The following RTN1 variants were observed in gnomAD, a reference collection of about 807,000 sequenced individuals.
RTN1 encodes the protein reticulon-1.
Under a neutral mutation model 65.5 loss-of-function variants are expected in RTN1, and 25 were observed. The ratio of observed to expected loss-of-function variants is 0.38; its 90% CI spans 0.28 to 0.53. The LOEUF is 0.53. Ranked by LOEUF, RTN1 falls within the 20% of genes least tolerant of loss-of-function variation. The pLI, the probability that RTN1 is intolerant of heterozygous loss-of-function variation, is 0.79. For synonymous variants in RTN1, 471 were observed against 447.6 expected, an observed-to-expected ratio of 1.05 and a Z score of -0.66; for missense variants, 983 against 1,025.4, an observed-to-expected ratio of 0.96 and a Z score of 0.57.
At position 59,846,678 on chromosome 14, in the gene RTN1, ACATTT is replaced by A. The variant is rs1444530156; in HGVS notation, c.241+23707_241+23711del. Reference sequence around the variant, plus strand: ...TGTGTGCTTTTACTCCTTGATGCATACATTTATTTGTAATAAAACAGTGTTTTGAA... The same window carrying A: ...TGTGTGCTTTTACTCCTTGATGCATAATTTGTAATAAAACAGTGTTTTGAA... On this transcript the variant is annotated intron_variant, in intron 1 of 8. Coordinates refer to ENST00000267484, the MANE Select transcript of RTN1 (RefSeq NM_021136.3). This position sits in a 1 kb window ranked among gnomAD's most constrained non-coding sequence, Gnocchi z 4.8. Among the ~76,000 whole-genome samples, 3 of 152,224 alleles carry A rather than the reference ACATTT, an allele frequency of 2.0e-5. No homozygotes were observed. The highest frequency in any genetic ancestry group is 2.9e-5 in the Non-Finnish European group (2 of 68,040).
chr14:59,789,424 C>T (rs1253976116), intron 1 of RTN1, among the ~76,000 whole-genome samples: 1 of 152,074 alleles, frequency 6.6e-6, no homozygotes, highest in African/African-American at 2.4e-5. Context: ...TATCAAGTGC[C>T]TCTTTGGCAT....
intron 1 of RTN1, among the ~76,000 whole-genome samples, chr14:59,869,031 G>T (rs966422847): frequency 6.6e-6 from 1 of 152,026 alleles, no homozygotes; most frequent in Non-Finnish European, 1.5e-5. Context: ...GGCGTTTGGC[G>T]TTGGGGCTTT....
chr14:59,599,102 T>G (rs1881496843), intron 8 of RTN1, among the ~76,000 whole-genome samples: 1 of 152,208 alleles, frequency 6.6e-6, no homozygotes, highest in Admixed American at 6.5e-5. Context: ...TAAAGATGCT[T>G]CAGCACATCA....
rs150666088 is a variant in RTN1, at chr14:59,603,913, G to A, written c.2121C>T (p.Val707=). 2.2e-4 allele frequency: 355 copies of A among 1,611,352 alleles called. 2 individuals are homozygous for A. Among genetic ancestry groups the A allele is most frequent in the Middle Eastern group, 1.3e-3 (8 of 6,044 alleles). ...QDLVDSLKFA[V]LMWLLTYVGA... is the part of the protein sequence containing the mutation. ...CAACGTAGGTCAGGAGCCACATCAGGACTGCAAACTGAAGAACGAAAGCAT... is the reference window on the plus strand; with the variant it reads ...CAACGTAGGTCAGGAGCCACATCAGAACTGCAAACTGAAGAACGAAAGCAT... The change falls in exon 6 of 9, where the codon GTC becomes GTT. Residue 707 remains valine (V), a synonymous_variant. Transcript: ENST00000267484.
chr14:59,610,939 C>A (rs1418512855), intron 3 of RTN1, among the ~76,000 whole-genome samples: 3 of 152,140 alleles, frequency 2.0e-5, no homozygotes, highest in Admixed American at 1.3e-4. Flanking sequence ...ATTGACTGAG[C>A]ACAAGAAGAC....
At chr14:59,630,604 C>T in intron 3 of RTN1, 1 of 1,581,728 alleles carries the variant, frequency 6.3e-7, no homozygotes, top group East Asian at 2.3e-5. Context: ...TCGCAGTGGC[C>T]GCGCGGCTGC....
chr14:59,643,684 A>AGATAT (rs1415387504), intron 3 of RTN1, among the ~76,000 whole-genome samples: 1 of 152,180 alleles, frequency 6.6e-6, no homozygotes, highest in Non-Finnish European at 1.5e-5. Context: ...AACTGAGCAG[A>AGATAT]GATATCAGCA....
At chr14:59,822,598 T>A (rs540370658) in intron 1 of RTN1, among the ~76,000 whole-genome samples, 1 of 152,330 alleles carries the variant, frequency 6.6e-6, no homozygotes, top group African/African-American at 2.4e-5. Flanking sequence ...TCAGGTGTGA[T>A]GTTAGCTTGT....
At chr14:59,608,289 A>G (rs949605389) in intron 3 of RTN1, among the ~76,000 whole-genome samples, 3 of 152,246 alleles carry the variant, frequency 2.0e-5, no homozygotes, top group African/African-American at 7.2e-5. Flanking sequence ...CAAAATTCCC[A>G]TCTCACAACC....
intron 3 of RTN1, among the ~76,000 whole-genome samples, chr14:59,705,602 C>T (rs948054489): frequency 1.3e-5 from 2 of 152,152 alleles, no homozygotes; most frequent in African/African-American, 4.8e-5. Context: ...TTCTCCCTGT[C>T]CCAGATTTTT....
intron 1 of RTN1, among the ~76,000 whole-genome samples, chr14:59,759,694 G>C (rs1246185531): frequency 6.6e-6 from 1 of 150,592 alleles, no homozygotes; most frequent in Non-Finnish European, 1.5e-5. Flanking sequence ...GGAATAAAAA[G>C]ACTATTGCTT....
rs188393158 is a variant in RTN1, at chr14:59,744,551, T to C, written c.1015+1157A>G. On this transcript the variant is annotated intron_variant, in intron 2 of 8. Transcript: ENST00000267484. ...AGAATGTTCAAGTTAAAAAAGACCATAGCCTAATGAAGTCTAAACTTTAAA... is the reference window on the plus strand; with the variant it reads ...AGAATGTTCAAGTTAAAAAAGACCACAGCCTAATGAAGTCTAAACTTTAAA... 2.0e-5 allele frequency among the ~76,000 whole-genome samples: 3 copies of C among 152,334 alleles called. No homozygotes were observed. The East Asian group carries it at 5.8e-4, about 29-fold the overall frequency.
intron 3 of RTN1, among the ~76,000 whole-genome samples, chr14:59,687,060 C>G (rs1056481563): frequency 6.6e-6 from 1 of 152,096 alleles, no homozygotes; most frequent in Non-Finnish European, 1.5e-5. Context: ...GTTGCAGGCC[C>G]GGGGTGGGAG....
At position 59,673,370 on chromosome 14, in the gene RTN1, T is replaced by C. The variant is rs541870398; in HGVS notation, c.1765+53549A>G. On this transcript the variant is annotated intron_variant, in intron 3 of 8. Coordinates refer to ENST00000267484, the MANE Select transcript of RTN1 (RefSeq NM_021136.3). ...TTTTTTGTGTCTGGAGCTAGGCAAATGCGGGTGTGTTACAGCTGTCTTGTT... is the reference window on the plus strand; with the variant it reads ...TTTTTTGTGTCTGGAGCTAGGCAAACGCGGGTGTGTTACAGCTGTCTTGTT... Among the ~76,000 whole-genome samples, 8 of 152,110 alleles carry C rather than the reference T, an allele frequency of 5.3e-5. No homozygotes were observed. In the East Asian group the frequency reaches 1.5e-3, roughly 29 times the overall value.
At chr14:59,753,314 G>A (rs937753431) in intron 1 of RTN1, among the ~76,000 whole-genome samples, 1 of 152,130 alleles carries the variant, frequency 6.6e-6, no homozygotes, top group Non-Finnish European at 1.5e-5. Flanking sequence ...GTATGAAATT[G>A]GAAGGACCCC....
intron 3 of RTN1, among the ~76,000 whole-genome samples, chr14:59,626,589 A>G (rs963658287): frequency 6.6e-6 from 1 of 152,236 alleles, no homozygotes; most frequent in African/African-American, 2.4e-5. Context: ...CCCCTAGTAC[A>G]ACACCATTCG....
intron 1 of RTN1, among the ~76,000 whole-genome samples, chr14:59,777,996 T>C (rs1055986869): frequency 1.3e-5 from 2 of 152,106 alleles, no homozygotes; most frequent in Non-Finnish European, 1.5e-5. Context: ...AAGCACACTG[T>C]GTTGCTTTAA....
intron 8 of RTN1, among the ~76,000 whole-genome samples, chr14:59,598,255 C>T (rs917158407): frequency 2.0e-5 from 3 of 152,116 alleles, no homozygotes; most frequent in African/African-American, 4.8e-5. Flanking sequence ...TGTTGATAAA[C>T]TGAATGCATA....
chr14:59,716,803 CAA>C (rs958817485), intron 3 of RTN1, among the ~76,000 whole-genome samples: 6 of 122,288 alleles, frequency 4.9e-5, no homozygotes, highest in African/African-American at 1.2e-4. Flanking sequence ...TAAAAAAATA[CAA>C]AAAAAAAAAA....
Sources: gnomAD v4.1 joint callset for allele counts (sites outside exome capture counted in the v4.1 genomes callset) on GRCh38, gnomAD v4.1.1 for gene constraint, Gnocchi (gnomAD v3.1) non-coding constraint, MANE v1.5 for transcripts, NCBI Gene and HGNC (gene_info 2026-07-23, HGNC 2026-07-21) for gene names.